PTPN3: variants seen among roughly 807,000 people sequenced by gnomAD.
PTPN3 encodes protein tyrosine phosphatase non-receptor type 3, also known as tyrosine-protein phosphatase non-receptor type 3.
In PTPN3, 96 loss-of-function variants were observed where a neutral mutation model predicts 132.7. The ratio of observed to expected loss-of-function variants is 0.72; its 90% CI spans 0.61 to 0.86. The LOEUF (loss-of-function observed/expected upper bound fraction) is 0.86, where lower values mean the gene tolerates loss of function less well. PTPN3 is among the 40% of genes least tolerant of loss of function. PTPN3 has a pLI of 0.00. For synonymous variants in PTPN3, 398 were observed against 429.0 expected (o/e 0.93, Z 0.89); for missense variants, 1,125 against 1,159.6 (o/e 0.97, Z 0.43).
At chr9:109,484,849 C>T (rs1231673349) in intron 1 of PTPN3, among the ~76,000 whole-genome samples, 2 of 152,204 alleles carry the variant, frequency 1.3e-5, no homozygotes, top group African/African-American at 4.8e-5. Flanking sequence ...TCTATGACCC[C>T]CCATCCTGCG....
intron 1 of PTPN3, among the ~76,000 whole-genome samples, chr9:109,484,445 A>G (rs1541089): frequency 0.89 from 135,875 of 152,228 alleles, 60,891 homozygotes; most frequent in African/African-American, 0.97. Context: ...CACTGAGCAC[A>G]GCAGCCTGGC....
chr9:109,469,710 A>C lies in PTPN3; in HGVS notation c.-17-6259T>G, dbSNP rs570100264. The stretch of plus-strand genomic sequence containing the variant: ...TGAAGAATATGAGTTCCGTTGAAAA[A>C]AAGGAGGAGAATAAGAAAACAGTCT... On this transcript the variant is annotated intron_variant, in intron 1 of 25. Coordinates refer to ENST00000374541, the MANE Select transcript of PTPN3 (RefSeq NM_002829.4). 4.6e-5 allele frequency among the ~76,000 whole-genome samples: 7 copies of C among 152,354 alleles called. No homozygotes were observed. The South Asian group carries it at 6.2e-4, about 14-fold the overall frequency.
At chr9:109,451,677 C>A (rs1845256002) in intron 5 of PTPN3, among the ~76,000 whole-genome samples, 1 of 152,226 alleles carries the variant, frequency 6.6e-6, no homozygotes, top group Non-Finnish European at 1.5e-5. Flanking sequence ...ATTTTGTCAG[C>A]TCCCAGAGAA....
chr9:109,506,193 G>A, the PTPN3 span, among the ~76,000 whole-genome samples: 12 of 152,310 alleles, frequency 7.9e-5, no homozygotes, highest in African/African-American at 2.4e-4. Flanking sequence ...GGTCTCTGAT[G>A]TCATCCACCA....
rs1564459089 is a variant in PTPN3 at position 109,455,816 on chromosome 9, G to A, written c.290-1242C>T. 2.6e-5 allele frequency among the ~76,000 whole-genome samples: 4 copies of A among 152,224 alleles called. No homozygotes were observed. The South Asian group carries it at 8.3e-4, about 32-fold the overall frequency. ...CACTTGGCTGTGGGCTCCTTGAGGG[G>A]AGAGTCCAAATTTGATCTGGACTGG... On this transcript the variant is annotated intron_variant, in intron 4 of 25. Transcript: ENST00000374541.
chr9:109,482,400 A>G (rs1464190383), intron 1 of PTPN3, among the ~76,000 whole-genome samples: 1 of 152,222 alleles, frequency 6.6e-6, no homozygotes, highest in African/African-American at 2.4e-5. Context: ...AGTTGTATCT[A>G]CGGGATAACC....
chr9:109,477,193 C>T (rs1846715752), intron 1 of PTPN3, among the ~76,000 whole-genome samples: 1 of 152,200 alleles, frequency 6.6e-6, no homozygotes, highest in African/African-American at 2.4e-5. Flanking sequence ...CGGAGCCCCA[C>T]ACTTAGTCAC....
At chr9:109,452,055 G>A (rs1845285245) in intron 5 of PTPN3, among the ~76,000 whole-genome samples, 1 of 152,012 alleles carries the variant, frequency 6.6e-6, no homozygotes, top group Non-Finnish European at 1.5e-5. Flanking sequence ...AGATCACAAG[G>A]TCAAGAGATC....
intron 8 of PTPN3, 124 bp downstream of exon 8, chr9:109,437,990 A>C (rs1157893209): frequency 5.6e-6 from 7 of 1,241,850 alleles, no homozygotes; most frequent in African/African-American, 3.1e-5. Context: ...AGGTTCAAAA[A>C]CCCCCGACAT....
chr9:109,533,761 C>A, the PTPN3 span: 1 of 1,371,866 alleles, frequency 7.3e-7, no homozygotes, highest in Non-Finnish European at 1.0e-6. Flanking sequence ...GGAACCTTCA[C>A]CTGCTGTAGG....
intron 9 of PTPN3, among the ~76,000 whole-genome samples, chr9:109,433,568 T>C (rs1843813685): frequency 6.6e-6 from 1 of 152,204 alleles, no homozygotes; most frequent in Non-Finnish European, 1.5e-5. Context: ...GAAATGATGA[T>C]GAAAATGTAT....
At chr9:109,502,649 A>G (rs1214297543), upstream of PTPN3, among the ~76,000 whole-genome samples, 4 of 152,130 alleles carry the variant, frequency 2.6e-5, no homozygotes, top group Admixed American at 2.6e-4. Flanking sequence ...GAAAAAAATT[A>G]GCTGGATGTG....
rs1018978946 is a variant in PTPN3, at chr9:109,446,950, C to T, written c.414-1658G>A. Reference sequence around the variant, plus strand: ...GCTACCATGGACGGCTCAAACAAGTCGGGACAATTTGACACCTAGGAAAAG... The same window carrying T: ...GCTACCATGGACGGCTCAAACAAGTTGGGACAATTTGACACCTAGGAAAAG... On this transcript the variant is annotated intron_variant, in intron 6 of 25. Transcript: ENST00000374541. 1.8e-4 allele frequency among the ~76,000 whole-genome samples: 28 copies of T among 152,268 alleles called. No homozygotes were observed. The East Asian group carries it at 3.7e-3, about 20-fold the overall frequency.
At chr9:109,474,190 A>AT (rs1183782753) in intron 1 of PTPN3, among the ~76,000 whole-genome samples, 1 of 152,040 alleles carries the variant, frequency 6.6e-6, no homozygotes, top group Non-Finnish European at 1.5e-5. Flanking sequence ...ATGCCAGCCC[A>AT]TGGGGGGGTT....
intron 19 of PTPN3, among the ~76,000 whole-genome samples, chr9:109,393,321 T>C (rs1282932868): frequency 6.6e-6 from 1 of 152,094 alleles, no homozygotes; most frequent in Non-Finnish European, 1.5e-5. Context: ...TGAAATTTTT[T>C]TTACTCAAAC....
At chr9:109,435,291 G>C (rs75714696) in intron 9 of PTPN3, among the ~76,000 whole-genome samples, 5,822 of 152,208 alleles carry the variant, frequency 0.038, 194 homozygotes, top group East Asian at 0.2. Flanking sequence ...CCCTTGCAGA[G>C]GGCAGAACTC....
chr9:109,524,782 G>A, the PTPN3 span, among the ~76,000 whole-genome samples: 2 of 152,196 alleles, frequency 1.3e-5, no homozygotes, highest in African/African-American at 4.8e-5. Context: ...CTGTCGCCCA[G>A]TCTGGAGTGG....
the PTPN3 span, among the ~76,000 whole-genome samples, chr9:109,529,764 C>T: frequency 6.6e-6 from 1 of 152,278 alleles, no homozygotes; most frequent in African/African-American, 2.4e-5. Flanking sequence ...ATCCACAGAA[C>T]CTTCATCTTG....
At chr9:109,504,783 A>C in the PTPN3 span, among the ~76,000 whole-genome samples, 3 of 151,774 alleles carry the variant, frequency 2.0e-5, no homozygotes, top group African/African-American at 7.3e-5. Context: ...CTGGAAACTC[A>C]GATCATTGAG....
Sources: gnomAD v4.1 joint callset for allele counts (sites outside exome capture counted in the v4.1 genomes callset) on GRCh38, gnomAD v4.1.1 for gene constraint, MANE v1.5 for transcripts, NCBI Gene and HGNC (gene_info 2026-07-23, HGNC 2026-07-21) for gene names.